The following NPAT variants were observed in gnomAD, a reference collection of about 807,000 sequenced individuals.
NPAT encodes the protein protein NPAT.
A neutral mutation model predicts 130.7 loss-of-function variants in NPAT; 52 were observed. That is an observed-to-expected ratio of 0.40 (90% CI 0.32 to 0.50). The LOEUF is 0.50. Ranked by LOEUF, NPAT falls within the 20% of genes least tolerant of loss-of-function variation. NPAT has a pLI of 0.68. For synonymous variants in NPAT, 580 were observed against 584.8 expected, an observed-to-expected ratio of 0.99 and a Z score of 0.12; for missense variants, 1,687 against 1,662.6, an observed-to-expected ratio of 1.01 and a Z score of -0.26.
intron 15 of NPAT, among the ~76,000 whole-genome samples, chr11:108,162,880 C>T (rs948205883): frequency 1.2e-4 from 18 of 152,152 alleles, no homozygotes; most frequent in Non-Finnish European, 2.6e-4. Flanking sequence ...ATCATGTTTA[C>T]AAGCCTATGT....
intron 1 of NPAT, among the ~76,000 whole-genome samples, chr11:108,198,275 A>G (rs1354596219): frequency 6.6e-6 from 1 of 152,226 alleles, no homozygotes; most frequent in African/African-American, 2.4e-5. Context: ...TTTCCACAAA[A>G]TATTATGAGA....
chr11:108,184,600 C>T (rs1365318334), intron 10 of NPAT, among the ~76,000 whole-genome samples: 2 of 152,080 alleles, frequency 1.3e-5, no homozygotes, highest in Non-Finnish European at 2.9e-5. Context: ...GTGCGATCCC[C>T]GCTTACTGCA....
chr11:108,176,577 T>C (rs569765645), intron 11 of NPAT, among the ~76,000 whole-genome samples: 1 of 152,346 alleles, frequency 6.6e-6, no homozygotes, highest in Non-Finnish European at 1.5e-5. Flanking sequence ...GCCCAGTAAT[T>C]TGCATTTTCT....
chr11:108,184,920 A>T (rs2134855631), intron 10 of NPAT, among the ~76,000 whole-genome samples: 1 of 152,316 alleles, frequency 6.6e-6, no homozygotes, highest in Non-Finnish European at 1.5e-5. Flanking sequence ...ATTTATATAA[A>T]CACTGTATTA....
intron 1 of NPAT, among the ~76,000 whole-genome samples, chr11:108,208,987 TAA>T (rs1194963544): frequency 6.6e-6 from 1 of 152,252 alleles, no homozygotes; most frequent in Admixed American, 6.5e-5. Flanking sequence ...CACCTGTATT[TAA>T]AAAAGAGATG....
At chr11:108,168,256 T>C (rs758819854) in intron 15 of NPAT, among the ~76,000 whole-genome samples, 13 of 152,190 alleles carry the variant, frequency 8.5e-5, no homozygotes, top group Non-Finnish European at 1.8e-4. Flanking sequence ...TTTACAAAGA[T>C]GTTCCTCATA....
intron 1 of NPAT, among the ~76,000 whole-genome samples, chr11:108,205,789 TC>T (rs1393041907): frequency 6.6e-6 from 1 of 152,150 alleles, no homozygotes; most frequent in African/African-American, 2.4e-5. Context: ...ATGCCTGTAA[TC>T]CCAGCACTTT....
chr11:108,162,245 T>C (rs1365612370), intron 15 of NPAT, 65 bp from the exon 16 acceptor site: 6 of 1,434,232 alleles, frequency 4.2e-6, no homozygotes, highest in African/African-American at 2.8e-5. Flanking sequence ...ATAGAACAGA[T>C]GACAATTATC....
chr11:108,201,009 G>T (rs1565324298), intron 1 of NPAT, among the ~76,000 whole-genome samples: 1 of 152,208 alleles, frequency 6.6e-6, no homozygotes, highest in Admixed American at 6.5e-5. Context: ...CAGCTGTTTG[G>T]GCAGTTCCTT....
At chr11:108,159,159 C>T (rs2077822503) in intron 17 of NPAT, 140 bp from the exon 18 acceptor site, 1 of 608,214 alleles carries the variant, frequency 1.6e-6, no homozygotes, top group Admixed American at 2.7e-5. Flanking sequence ...AATTTTACTT[C>T]TATAGAGAAG....
Position 108,172,793 on chromosome 11 carries a change from C to T in NPAT, c.2191G>A (p.Glu731Lys), listed in dbSNP as rs1416523766. The change falls in exon 13 of 18, where the codon GAG becomes AAG. Residue 731 changes from glutamate (E) to lysine (K), a missense_variant. Transcript: ENST00000278612. ...GAGACGATATTTGATGCATCTATCTCTGCTGAGTTGTTGCTAGAAGGTTTA... is the reference window on the plus strand; with the variant it reads ...GAGACGATATTTGATGCATCTATCTTTGCTGAGTTGTTGCTAGAAGGTTTA... ...DDKPSSNNSA[E>K]IDASNIVSLK... The T allele has an allele frequency of 2.5e-6, 4 of 1,613,760 alleles. No individual in the cohort carries two copies. The East Asian group carries it at 8.9e-5, about 36-fold the overall frequency.
At chr11:108,222,467 T>A in intron 1 of NPAT, 33 bp downstream of exon 1, 1 of 1,611,978 alleles carries the variant, frequency 6.2e-7, no homozygotes. Context: ...CATAGCCGGG[T>A]CCAATAACCC....
chr11:108,197,528 G>C, intron 1 of NPAT, 108 bp from the exon 2 acceptor site: 3 of 788,132 alleles, frequency 3.8e-6, no homozygotes, highest in South Asian at 2.8e-5. Context: ...TGAAACCTTA[G>C]GTGGAATGCT....
chr11:108,190,130 C>G (rs1305431166), intron 5 of NPAT, among the ~76,000 whole-genome samples: 2 of 150,682 alleles, frequency 1.3e-5, no homozygotes, highest in African/African-American at 4.9e-5. Context: ...GCTAACATGG[C>G]AAAACCCCAT....
In NPAT at chr11:108,172,505, T is replaced by C. The variant is rs1171842761; in HGVS notation, c.2479A>G (p.Thr827Ala). 7.4e-6 allele frequency: 12 copies of C among 1,614,092 alleles called. No homozygotes were observed. Among genetic ancestry groups the C allele is most frequent in the East Asian group, 2.2e-5 (1 of 44,902 alleles). Residue 827 changes from threonine (T) to alanine (A), a missense_variant, in exon 13 of 18, where the codon ACT (threonine) becomes GCT (alanine). Around this residue, in one of 3 missense-constraint regions of NPAT, gnomAD observed 1,379 missense variants for 1,346.6 expected, o/e 1.02. Transcript: ENST00000278612. ...FKSEDSAVNN[T>A]QNEDGIAFSA... The stretch of plus-strand genomic sequence containing the variant: ...AAAGCAATGCCATCTTCATTCTGAG[T>C]ATTGTTTACTGCAGAGTCTTCAGAT...
At chr11:108,186,969 A>C (rs998534380) in intron 7 of NPAT, among the ~76,000 whole-genome samples, 1 of 152,218 alleles carries the variant, frequency 6.6e-6, no homozygotes, top group Admixed American at 6.5e-5. Flanking sequence ...TGAATTCAAA[A>C]AAATGAGTTT....
Position 108,160,966 on chromosome 11 carries a change from C to G in NPAT, c.4120G>C (p.Glu1374Gln). The change falls in exon 17 of 18, where the codon GAA becomes CAA. Residue 1374 changes from glutamate (E) to glutamine (Q), a missense_variant. Glu to Gln is a conservative substitution (Grantham distance 29). Around this residue, in one of 3 missense-constraint regions of NPAT, gnomAD observed 1,379 missense variants for 1,346.6 expected, o/e 1.02. Coordinates refer to ENST00000278612, the MANE Select transcript of NPAT (RefSeq NM_002519.3). ...GAGTTTCGCTCACGTTCATCTAATT[C>G]CTCAATTTTCCGCTTTTTTGTGGTG... ...RSTTKKRKIE[E>Q]LDERERNSRP... is the part of the protein sequence containing the mutation. 6.2e-7 allele frequency: 1 copy of G among 1,614,082 alleles called. No homozygotes were observed. The highest frequency in any genetic ancestry group is 8.5e-7 in the Non-Finnish European group (1 of 1,179,998).
intron 1 of NPAT, among the ~76,000 whole-genome samples, chr11:108,212,828 C>G (rs1466347258): frequency 6.7e-6 from 1 of 150,278 alleles, no homozygotes. Flanking sequence ...CCACCTTAAT[C>G]CCAGCTGCTA....
At position 108,192,310 on chromosome 11, in the gene NPAT, G is replaced by C. The variant is rs563175046; in HGVS notation, c.218-120C>G. 2.1e-5 allele frequency: 16 copies of C among 749,642 alleles called. No individual in the cohort carries two copies. The East Asian group carries it at 3.8e-4, about 18-fold the overall frequency. The allele number at this position is 749,642 out of a possible 1,614,324, so 46.4% of individuals were successfully genotyped here. On this transcript the variant is annotated intron_variant, in intron 3 of 17. Coordinates refer to ENST00000278612, the MANE Select transcript of NPAT (RefSeq NM_002519.3). ...TTATTGACAGTATGTTGGAAAATGA[G>C]AAATAAATCTATGTTGTAAAATAGC... is the stretch of plus-strand genomic sequence containing the variant.
Sources: allele counts gnomAD v4.1 joint callset (sites outside exome capture counted in the v4.1 genomes callset), GRCh38; gene constraint gnomAD v4.1.1; regional missense constraint gnomAD v4.1.1; transcripts MANE v1.5; gene names NCBI Gene and HGNC (gene_info 2026-07-23, HGNC 2026-07-21).